SH3RF3: variants seen among roughly 807,000 people sequenced by gnomAD.
SH3RF3 encodes the protein E3 ubiquitin-protein ligase SH3RF3.
SH3RF3 carries 29 observed loss-of-function variants against 66.3 expected under a neutral mutation model. The observed-to-expected ratio is 0.44, with a 90% confidence interval of 0.33 to 0.60. SH3RF3 has a LOEUF of 0.60. Ranked by LOEUF, SH3RF3 falls within the 20% of genes least tolerant of loss-of-function variation. SH3RF3 has a pLI of 0.04. For synonymous variants in SH3RF3, 583 were observed against 532.0 expected, an observed-to-expected ratio of 1.10 and a Z score of -1.32; for missense variants, 1,194 against 1,190.9, an observed-to-expected ratio of 1.00 and a Z score of -0.04.
chr2:109,449,239 C>T lies in SH3RF3; in HGVS notation c.1898C>T (p.Ser633Phe), dbSNP rs1270135983. ...ATVSPLRTQN[S>F]PSRLPATSLR... ...GTGTCACCCCTGCGCACCCAGAACT[C>T]TCCATCCCGCCTGCCTGCCACCAGC... The change falls in exon 8 of 10, where the codon TCT becomes TTT. Residue 633 changes from serine (S) to phenylalanine (F), a missense_variant. Physicochemically the swap from Ser to Phe is radical, Grantham distance 155. Coordinates refer to ENST00000309415, the MANE Select transcript of SH3RF3 (RefSeq NM_001099289.3). 1 of 1,613,144 alleles carries T rather than the reference C, an allele frequency of 6.2e-7. No individual in the cohort carries two copies. The highest frequency in any genetic ancestry group is 2.2e-5 in the East Asian group (1 of 44,844).
At chr2:109,236,279 C>T (rs1679647482) in intron 1 of SH3RF3, among the ~76,000 whole-genome samples, 1 of 152,176 alleles carries the variant, frequency 6.6e-6, no homozygotes, top group African/African-American at 2.4e-5. Flanking sequence ...GTCCTAAAGT[C>T]CAGGTTGTTT....
intron 8 of SH3RF3, among the ~76,000 whole-genome samples, chr2:109,489,229 AAT>A (rs969903451): frequency 6.6e-6 from 1 of 152,244 alleles, no homozygotes; most frequent in Non-Finnish European, 1.5e-5. Context: ...CAGTGGAACA[AAT>A]GCTGGTCACC....
intron 1 of SH3RF3, among the ~76,000 whole-genome samples, chr2:109,260,264 G>A (rs1476009935): frequency 1.3e-5 from 2 of 152,084 alleles, no homozygotes; most frequent in East Asian, 3.9e-4. Context: ...GCAAACTGAC[G>A]CCTAAACCCA....
chr2:109,290,974 A>G (rs1681154360), intron 1 of SH3RF3, among the ~76,000 whole-genome samples: 2 of 152,242 alleles, frequency 1.3e-5, no homozygotes, highest in East Asian at 3.8e-4. Context: ...TGCCGGGTAC[A>G]TAGTAGGTGC....
intron 8 of SH3RF3, among the ~76,000 whole-genome samples, chr2:109,470,760 C>T (rs1394709662): frequency 1.3e-5 from 2 of 152,182 alleles, no homozygotes; most frequent in Admixed American, 1.3e-4. Flanking sequence ...GCTCAGCCAC[C>T]CCTGTTCCAC....
chr2:109,354,381 A>G (rs1682902447), intron 2 of SH3RF3, among the ~76,000 whole-genome samples: 1 of 152,204 alleles, frequency 6.6e-6, no homozygotes, highest in Non-Finnish European at 1.5e-5. Flanking sequence ...ACTCGACTGC[A>G]TGTGAGCCAG....
intron 4 of SH3RF3, among the ~76,000 whole-genome samples, chr2:109,415,523 C>T (rs1289203852): frequency 6.6e-6 from 1 of 152,162 alleles, no homozygotes; most frequent in Non-Finnish European, 1.5e-5. Flanking sequence ...AGACCCCCTC[C>T]TGACTCCCTT....
chr2:109,140,420 C>T (rs1470473282), intron 1 of SH3RF3, among the ~76,000 whole-genome samples: 1 of 151,878 alleles, frequency 6.6e-6, no homozygotes, highest in Non-Finnish European at 1.5e-5. Context: ...TTGCTCTGTC[C>T]CCTAGGCTGG....
chr2:109,504,182 A>G lies in SH3RF3; in HGVS notation c.*2511A>G, dbSNP rs1027980959. Reference sequence around the variant, plus strand: ...GGCCATCTTGCCTCAAAGGGTACACATGTTTGGCGGTTAAGATGAAACTAA... The same window carrying G: ...GGCCATCTTGCCTCAAAGGGTACACGTGTTTGGCGGTTAAGATGAAACTAA... On this transcript the variant is annotated 3_prime_UTR_variant, in exon 10 of 10. Transcript: ENST00000309415. 5.3e-5 allele frequency: 8 copies of G among 152,198 alleles called. No homozygotes were observed. The highest frequency in any genetic ancestry group is 1.9e-4 in the African/African-American group (8 of 41,438). The allele number at this position is 152,198 out of a possible 1,614,324, so 9.4% of individuals were successfully genotyped here. A position where few individuals can be genotyped will look rare whatever the true frequency, so the allele number is the denominator to read the frequency against.
intron 1 of SH3RF3, among the ~76,000 whole-genome samples, chr2:109,299,313 T>C (rs1254561419): frequency 6.6e-6 from 1 of 152,232 alleles, no homozygotes; most frequent in African/African-American, 2.4e-5. Flanking sequence ...GATGAAAATT[T>C]GAAGCTTGCA....
chr2:109,322,030 A>G (rs753229099), intron 1 of SH3RF3, among the ~76,000 whole-genome samples: 3 of 152,198 alleles, frequency 2.0e-5, no homozygotes, highest in Non-Finnish European at 2.9e-5. Flanking sequence ...TCTTTTTAAA[A>G]TAAGTCACCT....
chr2:109,303,702 T>C (rs1449125337), intron 1 of SH3RF3, among the ~76,000 whole-genome samples: 1 of 152,202 alleles, frequency 6.6e-6, no homozygotes, highest in Non-Finnish European at 1.5e-5. Context: ...TTTTAGTTTT[T>C]TAAAAACCAC....
At chr2:109,341,518 A>G (rs1682552517) in intron 1 of SH3RF3, among the ~76,000 whole-genome samples, 1 of 152,226 alleles carries the variant, frequency 6.6e-6, no homozygotes, top group African/African-American at 2.4e-5. Flanking sequence ...AATTGTAAAT[A>G]CACCTGAGAC....
chr2:109,162,969 G>A (rs1677524603), intron 1 of SH3RF3, among the ~76,000 whole-genome samples: 1 of 152,176 alleles, frequency 6.6e-6, no homozygotes, highest in Non-Finnish European at 1.5e-5. Context: ...CTCTCCAAGG[G>A]ATTTGCACCC....
intron 1 of SH3RF3, among the ~76,000 whole-genome samples, chr2:109,133,040 T>G (rs1380228600): frequency 6.6e-6 from 1 of 152,200 alleles, no homozygotes; most frequent in Non-Finnish European, 1.5e-5. Context: ...TAGGCACTAT[T>G]ATAGGTAAAC....
intron 1 of SH3RF3, among the ~76,000 whole-genome samples, chr2:109,196,636 C>T (rs149048328): frequency 9.1e-4 from 138 of 152,256 alleles, no homozygotes; most frequent in African/African-American, 1.3e-3. Context: ...GCTGTGGTTG[C>T]GGCTGTACCT....
At chr2:109,359,496 C>G (rs1187093045) in intron 2 of SH3RF3, among the ~76,000 whole-genome samples, 1 of 152,178 alleles carries the variant, frequency 6.6e-6, no homozygotes, top group African/African-American at 2.4e-5. Context: ...TTTTGTTACA[C>G]TTATACTTAA....
At chr2:109,140,384 GC>G in intron 1 of SH3RF3, among the ~76,000 whole-genome samples, 1 of 151,252 alleles carries the variant, frequency 6.6e-6, no homozygotes, top group South Asian at 2.1e-4. Flanking sequence ...GAAATTTCTT[GC>G]CTTTTTTTTT....
intron 8 of SH3RF3, among the ~76,000 whole-genome samples, chr2:109,486,098 C>T (rs1027051981): frequency 6.6e-6 from 1 of 152,202 alleles, no homozygotes; most frequent in Non-Finnish European, 1.5e-5. Flanking sequence ...GTTAGTAACC[C>T]TCAATAACCT....
Sources: gnomAD v4.1 joint callset for allele counts (sites outside exome capture counted in the v4.1 genomes callset) on GRCh38, gnomAD v4.1.1 for gene constraint, MANE v1.5 for transcripts, NCBI Gene and HGNC (gene_info 2026-07-23, HGNC 2026-07-21) for gene names.